Variants in SBF2 observed in about 807,000 individuals in gnomAD.
The protein encoded by SBF2 is myotubularin-related protein 13.
Under a neutral mutation model 225.2 loss-of-function variants are expected in SBF2, and 112 were observed. The observed-to-expected ratio is 0.50, with a 90% CI of 0.43 to 0.58. SBF2 has a LOEUF of 0.58. Ranked by LOEUF, SBF2 falls within the 20% of genes least tolerant of loss-of-function variation. The pLI is 0.00. For missense variants in SBF2, 1,996 were observed against 2,206.2 expected, an observed-to-expected ratio of 0.90 and a Z score of 1.91; for synonymous variants, 763 against 773.3, an observed-to-expected ratio of 0.99 and a Z score of 0.22.
chr11:9,785,952 T>C (rs1327025166), intron 36 of SBF2, among the ~76,000 whole-genome samples: 1 of 152,060 alleles, frequency 6.6e-6, no homozygotes, highest in Non-Finnish European at 1.5e-5. Flanking sequence ...CTGCAACCTC[T>C]GCCTGCTGGG....
At chr11:10,246,353 G>A (rs1231636571) in intron 1 of SBF2, among the ~76,000 whole-genome samples, 7 of 152,100 alleles carry the variant, frequency 4.6e-5, no homozygotes, top group East Asian at 3.9e-4. Flanking sequence ...GCGCAATTTC[G>A]GCTCACTGCA....
intron 17 of SBF2, among the ~76,000 whole-genome samples, chr11:9,873,632 G>T (rs1858970229): frequency 6.6e-6 from 1 of 152,200 alleles, no homozygotes; most frequent in East Asian, 1.9e-4. Context: ...TTAGGGATCT[G>T]CATGAGCAGT....
intron 2 of SBF2, among the ~76,000 whole-genome samples, chr11:10,185,826 T>C (rs559276446): frequency 6.6e-6 from 1 of 152,210 alleles, no homozygotes; most frequent in Non-Finnish European, 1.5e-5. Flanking sequence ...CTAATGGTCA[T>C]TTAGATAGTT....
intron 2 of SBF2, among the ~76,000 whole-genome samples, chr11:10,135,548 G>A (rs1313991097): frequency 6.6e-6 from 1 of 152,160 alleles, no homozygotes; most frequent in Non-Finnish European, 1.5e-5. Context: ...CATCTTGAAT[G>A]CTTTGCTGCT....
intron 2 of SBF2, among the ~76,000 whole-genome samples, chr11:10,084,406 T>C (rs1027091470): frequency 1.3e-5 from 2 of 152,152 alleles, no homozygotes; most frequent in African/African-American, 4.8e-5. Flanking sequence ...TCAGAATGGC[T>C]ATTATTAAAA....
At chr11:10,075,547 C>A (rs943102341) in intron 2 of SBF2, among the ~76,000 whole-genome samples, 11 of 152,122 alleles carry the variant, frequency 7.2e-5, no homozygotes, top group African/African-American at 2.7e-4. Context: ...CCTTGCTGTT[C>A]TTATGATAGT....
rs1168051102 is a variant in SBF2 at position 9,790,442 on chromosome 11, ATG to A, written c.4698+112_4698+113del. ...TCAAACTTTGAAATAGCTTTTTGGT[ATG>A]AAACCTAGTCCAATGTTTATAAAAA... On this transcript the variant is annotated intron_variant, in intron 34 of 39. Transcript: ENST00000256190. 1.1e-5 allele frequency: 10 copies of A among 879,164 alleles called. No homozygotes were observed. In the African/African-American group the frequency reaches 1.5e-4, roughly 14 times the overall value. 54.5% of individuals were successfully genotyped at this position (879,164 alleles called of 1,614,324 possible).
chr11:10,301,278 A>G (rs1344967414), intron 1 of SBF2, among the ~76,000 whole-genome samples: 1 of 152,126 alleles, frequency 6.6e-6, no homozygotes, highest in Admixed American at 6.5e-5. Flanking sequence ...TTATACTTTA[A>G]TCGGTTTATG....
intron 6 of SBF2, among the ~76,000 whole-genome samples, chr11:10,021,455 A>C (rs769494309): frequency 8.5e-5 from 13 of 152,244 alleles, no homozygotes; most frequent in Admixed American, 1.3e-4. Flanking sequence ...AACAAAAAAA[A>C]CAAAAAAACC....
At chr11:10,192,860 T>C (rs1462739261) in intron 2 of SBF2, among the ~76,000 whole-genome samples, 1 of 152,150 alleles carries the variant, frequency 6.6e-6, no homozygotes, top group Non-Finnish European at 1.5e-5. Context: ...AAACACAATA[T>C]AAATAAGTAC....
chr11:10,067,852 A>G (rs1168930817), intron 2 of SBF2, among the ~76,000 whole-genome samples: 1 of 152,190 alleles, frequency 6.6e-6, no homozygotes, highest in African/African-American at 2.4e-5. Context: ...TTATCATGCC[A>G]CTGAACTCCA....
intron 2 of SBF2, among the ~76,000 whole-genome samples, chr11:10,110,507 A>C (rs1042865140): frequency 3.3e-5 from 5 of 152,198 alleles, no homozygotes; most frequent in Non-Finnish European, 7.4e-5. Context: ...ACTTCTATGC[A>C]CAAAGAAAAC....
chr11:10,179,373 CAAAAACAAAAAAACAAAAA>C (rs1283676526), intron 2 of SBF2, among the ~76,000 whole-genome samples: 5 of 118,814 alleles, frequency 4.2e-5, no homozygotes, highest in Admixed American at 8.1e-5. Flanking sequence ...AAACAAAAAA[CAAAAACAAAAAAACAAAAA>C]AAAACAAAAA....
chr11:9,932,509 G>T (rs956518118), intron 16 of SBF2, among the ~76,000 whole-genome samples: 1 of 152,114 alleles, frequency 6.6e-6, no homozygotes, highest in Admixed American at 6.6e-5. Flanking sequence ...TTTCAACCCA[G>T]AATTTCATAT....
intron 29 of SBF2, among the ~76,000 whole-genome samples, chr11:9,814,498 T>G (rs1193937423): frequency 6.6e-6 from 1 of 152,132 alleles, no homozygotes; most frequent in African/African-American, 2.4e-5. Flanking sequence ...CAGGGAATGG[T>G]ATCTCAATTA....
At chr11:10,304,224 C>T (rs1275413178) in intron 1 of SBF2, among the ~76,000 whole-genome samples, 2 of 152,162 alleles carry the variant, frequency 1.3e-5, no homozygotes, top group East Asian at 1.9e-4. Flanking sequence ...GATTAGCATA[C>T]GTGAAGCGTT....
intron 2 of SBF2, among the ~76,000 whole-genome samples, chr11:10,175,897 G>T (rs372197883): frequency 1.8e-4 from 27 of 151,366 alleles, no homozygotes; most frequent in Non-Finnish European, 8.9e-5. Flanking sequence ...CTGAACAACC[G>T]GCTCCTGAAT....
At chr11:9,973,602 G>C (rs184398175) in intron 13 of SBF2, among the ~76,000 whole-genome samples, 1 of 152,252 alleles carries the variant, frequency 6.6e-6, no homozygotes, top group East Asian at 1.9e-4. Flanking sequence ...GAGGTAGAAT[G>C]ATTTTTCTCA....
chr11:10,257,144 A>C (rs1387333348), intron 1 of SBF2, among the ~76,000 whole-genome samples: 1 of 152,184 alleles, frequency 6.6e-6, no homozygotes, highest in Non-Finnish European at 1.5e-5. Context: ...AAATAGCACA[A>C]CTGAAATTCA....
Sources: allele counts gnomAD v4.1 joint callset (sites outside exome capture counted in the v4.1 genomes callset), GRCh38; gene constraint gnomAD v4.1.1; transcripts MANE v1.5; gene names NCBI Gene and HGNC (gene_info 2026-07-23, HGNC 2026-07-21).